The following RNF150 variants were observed in gnomAD, a reference collection of about 807,000 sequenced individuals.
RNF150 encodes the protein ring finger protein 150.
RNF150 carries 24 observed loss-of-function variants against 39.3 expected under a neutral mutation model. The observed-to-expected ratio is 0.61, with a 90% CI of 0.44 to 0.86. RNF150 has a LOEUF of 0.86. Among genes scored for constraint, RNF150 ranks in the 40% least tolerant of loss-of-function variants. The pLI, the probability that RNF150 is intolerant of heterozygous loss-of-function variation, is 0.00. For synonymous variants in RNF150, 255 were observed against 227.3 expected (o/e 1.12, Z -1.10); for missense variants, 502 against 587.8 (o/e 0.85, Z 1.51).
At chr4:141,187,786 G>C (rs1421019101) in intron 1 of RNF150, among the ~76,000 whole-genome samples, 1 of 152,154 alleles carries the variant, frequency 6.6e-6, no homozygotes. Context: ...ACACTGATGA[G>C]TCTTGACTCT....
intron 1 of RNF150, among the ~76,000 whole-genome samples, chr4:141,126,647 C>G (rs996268495): frequency 6.6e-6 from 1 of 152,126 alleles, no homozygotes; most frequent in Non-Finnish European, 1.5e-5. Flanking sequence ...CAGTCAGCCA[C>G]TGCTCACCTC....
chr4:140,954,070 G>T (rs779787205), intron 2 of RNF150, among the ~76,000 whole-genome samples: 23 of 152,164 alleles, frequency 1.5e-4, no homozygotes, highest in Non-Finnish European at 2.1e-4. Flanking sequence ...GATGCTAATG[G>T]AAGACTCAGG....
chr4:141,021,955 C>T (rs369690652), intron 1 of RNF150, among the ~76,000 whole-genome samples: 70 of 152,292 alleles, frequency 4.6e-4, no homozygotes, highest in African/African-American at 1.7e-3. Context: ...AGCTTGCTTG[C>T]CCCTGCAACC....
intron 1 of RNF150, among the ~76,000 whole-genome samples, chr4:141,123,037 T>C (rs1726656568): frequency 6.6e-6 from 1 of 152,222 alleles, no homozygotes; most frequent in East Asian, 1.9e-4. Context: ...TCATGCCACA[T>C]GCTACAAGAT....
chr4:141,184,274 T>C (rs1727963293), intron 1 of RNF150, among the ~76,000 whole-genome samples: 1 of 152,262 alleles, frequency 6.6e-6, no homozygotes, highest in Non-Finnish European at 1.5e-5. Context: ...ATGAGCCTTT[T>C]TCCATGTTTG....
chr4:141,184,039 G>A (rs1250341240), intron 1 of RNF150, among the ~76,000 whole-genome samples: 1 of 152,034 alleles, frequency 6.6e-6, no homozygotes, highest in Non-Finnish European at 1.5e-5. Flanking sequence ...GGGATTGCTG[G>A]GTAAAATGGT....
At chr4:141,104,515 C>A (rs571715104) in intron 1 of RNF150, among the ~76,000 whole-genome samples, 1 of 152,110 alleles carries the variant, frequency 6.6e-6, no homozygotes, top group Non-Finnish European at 1.5e-5. Context: ...CTAGATTTTA[C>A]CTTTGCATCC....
At chr4:141,169,134 A>G (rs1727656930) in intron 1 of RNF150, among the ~76,000 whole-genome samples, 1 of 152,104 alleles carries the variant, frequency 6.6e-6, no homozygotes, top group South Asian at 2.1e-4. Flanking sequence ...TGGTTAGATC[A>G]TGGGGGTGAT....
intron 1 of RNF150, among the ~76,000 whole-genome samples, chr4:141,207,741 T>C (rs1728396576): frequency 6.6e-6 from 1 of 152,190 alleles, no homozygotes; most frequent in Admixed American, 6.5e-5. Flanking sequence ...TTTTAAGCCA[T>C]TAAGTTTGTT....
chr4:140,912,782 T>C (rs907058367), intron 5 of RNF150, among the ~76,000 whole-genome samples: 75 of 152,194 alleles, frequency 4.9e-4, no homozygotes, highest in African/African-American at 1.5e-3. Flanking sequence ...TCACTGAAAC[T>C]CAATCTGTCA....
intron 5 of RNF150, among the ~76,000 whole-genome samples, chr4:140,917,691 T>A (rs908760725): frequency 4.6e-5 from 7 of 152,166 alleles, no homozygotes; most frequent in Admixed American, 3.9e-4. Flanking sequence ...CAAGCGGACC[T>A]AATAGACATC....
intron 5 of RNF150, among the ~76,000 whole-genome samples, chr4:140,922,990 A>C (rs1731223062): frequency 6.6e-6 from 1 of 150,942 alleles, no homozygotes; most frequent in Non-Finnish European, 1.5e-5. Context: ...TAAAGACTTA[A>C]ACGTTAGACC....
chr4:141,028,447 G>T (rs908483669), intron 1 of RNF150, among the ~76,000 whole-genome samples: 2 of 152,060 alleles, frequency 1.3e-5, no homozygotes, highest in Admixed American at 6.6e-5. Context: ...AAGAATAAAA[G>T]CCTGTTCCCT....
At chr4:141,054,795 A>ACAT (rs1736907367) in intron 1 of RNF150, among the ~76,000 whole-genome samples, 1 of 152,208 alleles carries the variant, frequency 6.6e-6, no homozygotes, top group African/African-American at 2.4e-5. Flanking sequence ...AATGTGAGCA[A>ACAT]GACATGGCTC....
intron 1 of RNF150, among the ~76,000 whole-genome samples, chr4:141,054,824 A>G (rs1233219798): frequency 6.6e-6 from 1 of 152,210 alleles, no homozygotes; most frequent in Non-Finnish European, 1.5e-5. Context: ...ATTAGGTATT[A>G]ATTTAATAAA....
intron 6 of RNF150, among the ~76,000 whole-genome samples, chr4:140,880,122 TTAGCTA>T (rs987570097): frequency 3.3e-5 from 5 of 152,292 alleles, no homozygotes; most frequent in Non-Finnish European, 5.9e-5. Flanking sequence ...TAGAATGATG[TTAGCTA>T]TAGACTTTTC....
rs374764330 is a variant in RNF150, at chr4:140,873,504, A to G, written c.1199-5125T>C. Among the ~76,000 whole-genome samples, 5 of 152,018 alleles carry G rather than the reference A, an allele frequency of 3.3e-5. No individual in the cohort carries two copies. The East Asian group carries it at 5.8e-4, about 18-fold the overall frequency. On this transcript the variant is annotated intron_variant, in intron 6 of 6. Coordinates refer to ENST00000515673, the MANE Select transcript of RNF150 (RefSeq NM_020724.2). ...CATTTCCTCATTTTCCTTTAAATAT[A>G]CTCCTTCATCTTTTATAAATAAAAT...
At chr4:141,164,794 T>G (rs1044049226) in intron 1 of RNF150, among the ~76,000 whole-genome samples, 19 of 152,262 alleles carry the variant, frequency 1.2e-4, no homozygotes, top group Non-Finnish European at 2.2e-4. Context: ...TTATGAGAGC[T>G]CCTGAAGGAA....
intron 1 of RNF150, among the ~76,000 whole-genome samples, chr4:141,192,667 G>A (rs1322279085): frequency 1.3e-5 from 2 of 152,186 alleles, no homozygotes; most frequent in African/African-American, 4.8e-5. Context: ...AAAGGCCTAT[G>A]TGCCTTCATA....
Sources: gnomAD v4.1 joint callset for allele counts (sites outside exome capture counted in the v4.1 genomes callset) on GRCh38, gnomAD v4.1.1 for gene constraint, MANE v1.5 for transcripts, NCBI Gene and HGNC (gene_info 2026-07-23, HGNC 2026-07-21) for gene names.